The following LAMA3 variants were observed in gnomAD, a reference collection of about 807,000 sequenced individuals.
LAMA3 encodes laminin subunit alpha-3.
In LAMA3, 281 loss-of-function variants were observed where a neutral mutation model predicts 402.0. The observed-to-expected ratio is 0.70, with a 90% CI of 0.63 to 0.77. LAMA3 has a LOEUF of 0.77. Among genes scored for constraint, LAMA3 ranks in the 30% least tolerant of loss-of-function variants. The pLI, the probability that LAMA3 is intolerant of heterozygous loss-of-function variation, is 0.00. For missense variants in LAMA3, 3,840 were observed against 4,215.5 expected (o/e 0.91, Z 2.47); for synonymous variants, 1,431 against 1,558.4 (o/e 0.92, Z 1.93).
chr18:23,953,014 A>C lies in LAMA3; in HGVS notation c.9761A>C (p.His3254Pro), dbSNP rs752734057. The C allele has an allele frequency of 6.2e-7, 1 of 1,614,090 alleles. No individual in the cohort carries two copies. Among genetic ancestry groups the C allele is most frequent in the South Asian group, 1.1e-5 (1 of 91,080 alleles). ...VAVTIKQHIL[H>P]LELDTDSSYT... is the part of the protein sequence containing the mutation. Reference sequence around the variant, plus strand: ...GTCACCATAAAACAACACATCCTGCACCTGGAACTGGACACAGACAGTAGC... The same window carrying C: ...GTCACCATAAAACAACACATCCTGCCCCTGGAACTGGACACAGACAGTAGC... The change falls in exon 74 of 75, where the codon CAC becomes CCC. Residue 3254 changes from histidine to proline, a missense_variant. His to Pro is a moderately conservative substitution (Grantham distance 77). Coordinates refer to ENST00000313654, the MANE Select transcript of LAMA3 (RefSeq NM_198129.4).
In LAMA3 at chr18:23,864,867, C is replaced by T. The variant is rs767122342; in HGVS notation, c.4667C>T (p.Pro1556Leu). 1.2e-5 allele frequency: 19 copies of T among 1,612,030 alleles called. No homozygotes were observed. The highest frequency in any genetic ancestry group is 2.7e-5 in the African/African-American group (2 of 74,856). Reference protein sequence around the residue: ...PGDMVLLEKKPDVQLTGQHMS... With the variant: ...PGDMVLLEKKLDVQLTGQHMS... ...GACATGGTTCTTCTGGAAAAGAAGCCGGATGTACAGCTCACTGTAGGTATC... is the reference window on the plus strand; with the variant it reads ...GACATGGTTCTTCTGGAAAAGAAGCTGGATGTACAGCTCACTGTAGGTATC... Residue 1556 changes from proline (P) to leucine (L), a missense_variant, in exon 36 of 75, where the codon CCG (proline) becomes CTG (leucine). By Grantham distance (98) the Pro-to-Leu change is moderately conservative. This residue lies in a region of LAMA3 where 2,109 missense variants were observed against 2,376.0 expected (regional missense o/e 0.89). Transcript: ENST00000313654.
At chr18:23,913,816 C>T (rs934524778) in intron 56 of LAMA3, among the ~76,000 whole-genome samples, 39 of 152,210 alleles carry the variant, frequency 2.6e-4, no homozygotes, top group Admixed American at 1.4e-3. Flanking sequence ...CATATACCTA[C>T]TATGTGTCAC....
Position 23,914,776 on chromosome 18 carries a change from G to A in LAMA3, c.7560G>A (p.Met2520Ile). The change falls in exon 58 of 75, where the codon ATG (methionine) becomes ATA (isoleucine). Residue 2520 changes from methionine to isoleucine, a missense_variant. Met to Ile is a conservative substitution (Grantham distance 10). Around this residue, in one of 3 missense-constraint regions of LAMA3, gnomAD observed 891 missense variants for 857.5 expected, o/e 1.04. Coordinates refer to ENST00000313654, the MANE Select transcript of LAMA3 (RefSeq NM_198129.4). Reference sequence around the variant, plus strand: ...CAGAAACACCCGGAGTCTATGACATGGATGGTAGAAATAGCAATACACTCC... The same window carrying A: ...CAGAAACACCCGGAGTCTATGACATAGATGGTAGAAATAGCAATACACTCC... Reference protein sequence around the residue: ...SKPETPGVYDMDGRNSNTLLN... With the variant: ...SKPETPGVYDIDGRNSNTLLN... 6.2e-7 allele frequency: 1 copy of A among 1,613,226 alleles called. No individual in the cohort carries two copies. Among genetic ancestry groups the A allele is most frequent in the East Asian group, 2.2e-5 (1 of 44,878 alleles).
intron 60 of LAMA3, among the ~76,000 whole-genome samples, chr18:23,920,551 G>A (rs1349024905): frequency 6.6e-6 from 1 of 152,164 alleles, no homozygotes; most frequent in Non-Finnish European, 1.5e-5. Context: ...GAAAACAGAT[G>A]GTGGAAGGTA....
At chr18:23,949,114 C>T (rs900493900) in intron 70 of LAMA3, among the ~76,000 whole-genome samples, 2 of 152,172 alleles carry the variant, frequency 1.3e-5, no homozygotes, top group South Asian at 2.1e-4. Context: ...GGAGAGGAGT[C>T]CCCTGTTCCA....
At chr18:23,870,105 C>T (rs1048275266) in intron 37 of LAMA3, among the ~76,000 whole-genome samples, 8 of 152,118 alleles carry the variant, frequency 5.3e-5, no homozygotes, top group South Asian at 2.1e-4. Context: ...GAGTTCGAGA[C>T]CAGCCTGGCC....
intron 24 of LAMA3, chr18:23,834,211 T>G: frequency 1.8e-6 from 1 of 555,176 alleles, no homozygotes; most frequent in Non-Finnish European, 3.2e-6. Flanking sequence ...AAAAGCTGTA[T>G]GCTGTACTTA....
In LAMA3 at chr18:23,949,829, A is replaced by G. The variant is rs1355771416; in HGVS notation, c.9416A>G (p.Tyr3139Cys). 1 of 1,613,898 alleles carries G rather than the reference A, an allele frequency of 6.2e-7. No individual in the cohort carries two copies. The highest frequency in any genetic ancestry group is 8.5e-7 in the Non-Finnish European group (1 of 1,179,992). The change falls in exon 71 of 75, where the codon TAT becomes TGT. Residue 3139 changes from tyrosine to cysteine, a missense_variant. By Grantham distance (194) the Tyr-to-Cys change is radical. Around this residue, in one of 3 missense-constraint regions of LAMA3, gnomAD observed 840 missense variants for 981.9 expected, o/e 0.86. Transcript: ENST00000313654. ...KNFQLDSKPLYTPSSSFGVSS... is the reference protein window; with the variant it reads ...KNFQLDSKPLCTPSSSFGVSS... ...TTTCAGCTGGATTCAAAACCCTTGT[A>G]TACCCCTTCTTCAAGCTTCGGGGTG... is the stretch of plus-strand genomic sequence containing the variant.
At position 23,775,817 on chromosome 18, in the gene LAMA3, G is replaced by A. The variant is rs369486238; in HGVS notation, c.1299G>A (p.Ala433=). ...CCTGCAGCTGTGACCCTGAGCATGC[G>A]GATGGCTGTGAACAGGGTTCAGGCC... ...CIPCSCDPEH[A]DGCEQGSGRC... is the part of the protein sequence containing the mutation. The change falls in exon 10 of 75, where the codon GCG becomes GCA. Residue 433 remains alanine, a synonymous_variant. Coordinates refer to ENST00000313654, the MANE Select transcript of LAMA3 (RefSeq NM_198129.4). 25 of 1,613,830 alleles carry A rather than the reference G, an allele frequency of 1.5e-5. No individual in the cohort carries two copies. In the East Asian group the frequency reaches 4.5e-4, roughly 29 times the overall value.
At chr18:23,759,391 A>G (rs1471631087) in intron 7 of LAMA3, among the ~76,000 whole-genome samples, 1 of 151,978 alleles carries the variant, frequency 6.6e-6, no homozygotes, top group African/African-American at 2.4e-5. Flanking sequence ...ACCCTAAGAC[A>G]TCCAACTATA....
chr18:23,903,847 C>T, intron 49 of LAMA3, 86 bp from the exon 50 acceptor site: 1 of 1,101,282 alleles, frequency 9.1e-7, no homozygotes, highest in Non-Finnish European at 1.4e-6. Context: ...GCCCCAGAAA[C>T]ACATCAGTTA....
At chr18:23,880,876 GAAAAC>G (rs554688858) in intron 39 of LAMA3, among the ~76,000 whole-genome samples, 1 of 152,050 alleles carries the variant, frequency 6.6e-6, no homozygotes, top group Non-Finnish European at 1.5e-5. Flanking sequence ...GAATCTGTCT[GAAAAC>G]AAAACAAAAC....
Position 23,914,428 on chromosome 18 carries a change from G to A in LAMA3, c.7348G>A (p.Gly2450Ser), listed in dbSNP as rs768223220. 16 of 1,614,008 alleles carry A rather than the reference G, an allele frequency of 9.9e-6. No individual in the cohort carries two copies. The highest frequency in any genetic ancestry group is 6.7e-5 in the Admixed American group (4 of 60,002). The part of the protein sequence containing the change: ...GNKDASRDYI[G>S]MAVVDGQLTC... Reference sequence around the variant, plus strand: ...TCTCCAGGCCTCCCGGGACTACATCGGCATGGCAGTTGTGGATGGCCAGCT... The same window carrying A: ...TCTCCAGGCCTCCCGGGACTACATCAGCATGGCAGTTGTGGATGGCCAGCT... The change falls in exon 57 of 75, where the codon GGC (glycine) becomes AGC (serine). Residue 2450 changes from glycine (G) to serine (S), a missense_variant. By Grantham distance (56) the Gly-to-Ser change is moderately conservative (BLOSUM62 0). Coordinates refer to ENST00000313654, the MANE Select transcript of LAMA3 (RefSeq NM_198129.4).
At chr18:23,797,882 G>A (rs549137632) in intron 12 of LAMA3, among the ~76,000 whole-genome samples, 1 of 152,198 alleles carries the variant, frequency 6.6e-6, no homozygotes, top group East Asian at 1.9e-4. Context: ...ACTCACTGAA[G>A]TGCCCTATGG....
At chr18:23,885,904 CA>C (rs1287984834) in intron 41 of LAMA3, among the ~76,000 whole-genome samples, 16 of 152,032 alleles carry the variant, frequency 1.1e-4, no homozygotes. Flanking sequence ...TTTGTTCCTA[CA>C]AATCATTTCT....
At chr18:23,702,903 C>T (rs1265946425) in intron 1 of LAMA3, among the ~76,000 whole-genome samples, 1 of 152,168 alleles carries the variant, frequency 6.6e-6, no homozygotes, top group Non-Finnish European at 1.5e-5. Flanking sequence ...GTCTGTTTCC[C>T]TCTCTATAAA....
At chr18:23,704,201 G>A (rs1024923348) in intron 1 of LAMA3, among the ~76,000 whole-genome samples, 4 of 152,228 alleles carry the variant, frequency 2.6e-5, no homozygotes, top group Admixed American at 2.6e-4. Flanking sequence ...ACCTCTGCCA[G>A]ACAGATTTCT....
At chr18:23,769,635 G>C (rs981334403) in intron 8 of LAMA3, among the ~76,000 whole-genome samples, 1 of 152,048 alleles carries the variant, frequency 6.6e-6, no homozygotes, top group African/African-American at 2.4e-5. Flanking sequence ...ATAAATGAAG[G>C]AACAGGGGAT....
intron 62 of LAMA3, among the ~76,000 whole-genome samples, chr18:23,922,224 A>G (rs757525541): frequency 2.6e-5 from 4 of 152,254 alleles, no homozygotes; most frequent in Non-Finnish European, 5.9e-5. Flanking sequence ...GCTTTTAGAT[A>G]GCTGACGATA....
Sources: gnomAD v4.1 joint callset for allele counts (sites outside exome capture counted in the v4.1 genomes callset) on GRCh38, gnomAD v4.1.1 for gene constraint, gnomAD v4.1.1 regional missense constraint, MANE v1.5 for transcripts, NCBI Gene and HGNC (gene_info 2026-07-23, HGNC 2026-07-21) for gene names.